Variants in SMC6 observed in about 807,000 individuals in gnomAD.
SMC6 encodes structural maintenance of chromosomes protein 6.
A neutral mutation model predicts 142.2 loss-of-function variants in SMC6; 79 were observed. The ratio of observed to expected loss-of-function variants is 0.56; its 90% CI spans 0.46 to 0.67. SMC6 has a LOEUF of 0.67. Ranked by LOEUF, SMC6 falls within the 30% of genes least tolerant of loss-of-function variation. The probability of loss-of-function intolerance (pLI) is 0.00; values close to 1 mark genes in which losing one functional copy is unlikely to be tolerated. For missense variants in SMC6, 1,072 were observed against 1,284.0 expected, an observed-to-expected ratio of 0.83 and a Z score of 2.52; for synonymous variants, 411 against 412.4, an observed-to-expected ratio of 1.00 and a Z score of 0.04.
chr2:17,738,034 G>A (rs1670242097), intron 5 of SMC6, among the ~76,000 whole-genome samples, 187 bp downstream of exon 5: 1 of 152,136 alleles, frequency 6.6e-6, no homozygotes, highest in Admixed American at 6.5e-5. Flanking sequence ...TGTCTTGAGA[G>A]GGTAACAGGC....
At chr2:17,733,606 G>C (rs917751280) in intron 5 of SMC6, among the ~76,000 whole-genome samples, 1 of 152,092 alleles carries the variant, frequency 6.6e-6, no homozygotes, top group Non-Finnish European at 1.5e-5. Context: ...AAAATAAAAA[G>C]GTTTTAAAAA....
At chr2:17,707,547 A>C (rs1180473782) in intron 17 of SMC6, among the ~76,000 whole-genome samples, 168 bp from the exon 18 acceptor site, 3 of 152,130 alleles carry the variant, frequency 2.0e-5, no homozygotes, top group African/African-American at 7.2e-5. Flanking sequence ...AAAAACTTTC[A>C]AGGTTAGAAG....
At chr2:17,750,430 A>G (rs1670967616) in intron 2 of SMC6, among the ~76,000 whole-genome samples, 2 of 152,210 alleles carry the variant, frequency 1.3e-5, no homozygotes, top group South Asian at 4.1e-4. Context: ...TATGAGATAA[A>G]TATTGCCCTT....
At chr2:17,702,400 T>C (rs1337182295) in intron 19 of SMC6, among the ~76,000 whole-genome samples, 1 of 152,220 alleles carries the variant, frequency 6.6e-6, no homozygotes, top group African/African-American at 2.4e-5. Context: ...TGATTTGTAA[T>C]ACCACAACAG....
At chr2:17,674,538 T>C (rs1363051754) in intron 25 of SMC6, among the ~76,000 whole-genome samples, 3 of 152,200 alleles carry the variant, frequency 2.0e-5, no homozygotes, top group East Asian at 1.9e-4. Flanking sequence ...CAATGTTCTA[T>C]AGTTCTGCCA....
chr2:17,699,734 T>G (rs915108659), intron 21 of SMC6, among the ~76,000 whole-genome samples: 2 of 152,164 alleles, frequency 1.3e-5, no homozygotes, highest in Non-Finnish European at 2.9e-5. Flanking sequence ...CAATTTTGTC[T>G]CAAAAAGTAT....
At chr2:17,744,270 G>C (rs1670623961) in intron 3 of SMC6, among the ~76,000 whole-genome samples, 1 of 152,120 alleles carries the variant, frequency 6.6e-6, no homozygotes, top group Non-Finnish European at 1.5e-5. Flanking sequence ...CATTTTATCA[G>C]GTGTGTTGGT....
At position 17,752,966 on chromosome 2, in the gene SMC6, T is replaced by A. The variant is rs1256609244; in HGVS notation, c.-6+12A>T. The A allele has an allele frequency of 1.0e-6, 1 of 968,058 alleles. No individual in the cohort carries two copies. The highest frequency in any genetic ancestry group is 1.2e-6 in the Non-Finnish European group (1 of 814,212). 60.0% of individuals were successfully genotyped at this position (968,058 alleles called of 1,614,324 possible). A position where few individuals can be genotyped will look rare whatever the true frequency, so the allele number is the denominator to read the frequency against. On this transcript the variant is annotated intron_variant, in intron 2 of 27. Transcript: ENST00000448223. ...CACCAAATGATTGCTCTAAGAATTT[T>A]CACAGTATTACCTCAAACCCTATTG...
chr2:17,676,948 G>A (rs1049742020), intron 25 of SMC6, among the ~76,000 whole-genome samples: 2 of 152,048 alleles, frequency 1.3e-5, no homozygotes, highest in Non-Finnish European at 2.9e-5. Context: ...TCTTTTTGTA[G>A]ATTCCATCAG....
At chr2:17,665,690 T>G in intron 27 of SMC6, 77 bp from the exon 28 acceptor site, 1 of 778,338 alleles carries the variant, frequency 1.3e-6, no homozygotes, top group Non-Finnish European at 2.0e-6. Context: ...TATTACCTCA[T>G]GAAAATATAA....
intron 18 of SMC6, among the ~76,000 whole-genome samples, chr2:17,704,517 T>C (rs1668412682): frequency 6.6e-6 from 1 of 152,214 alleles, no homozygotes; most frequent in Admixed American, 6.5e-5. Flanking sequence ...CAAAGCTTTG[T>C]GCTTGGTGGA....
Position 17,752,972 on chromosome 2 carries a change from TA to T in SMC6, c.-6+5del. The T allele has an allele frequency of 2.0e-6, 2 of 975,958 alleles. No individual in the cohort carries two copies. Among genetic ancestry groups the T allele is most frequent in the Non-Finnish European group, 2.4e-6 (2 of 821,292 alleles). 60.5% of individuals were successfully genotyped at this position (975,958 alleles called of 1,614,324 possible). On this transcript the variant is annotated splice_donor_5th_base_variant and intron_variant, in intron 2 of 27. Coordinates refer to ENST00000448223, the MANE Select transcript of SMC6 (RefSeq NM_001142286.2). ...ATGATTGCTCTAAGAATTTTCACAG[TA>T]TTACCTCAAACCCTATTGGTTCTAC...
chr2:17,731,369 C>T (rs1330072376), intron 6 of SMC6, among the ~76,000 whole-genome samples: 8 of 152,198 alleles, frequency 5.3e-5, no homozygotes, highest in South Asian at 4.1e-4. Context: ...ACATATTTTG[C>T]TCCTTATCTA....
At chr2:17,726,087 TAAAAAAAA>T (rs35471536) in intron 8 of SMC6, among the ~76,000 whole-genome samples, 54 of 54,966 alleles carry the variant, frequency 9.8e-4, no homozygotes, top group African/African-American at 3.9e-3. Context: ...GGCTCTGTCT[TAAAAAAAA>T]AAAAAAAAAA....
rs553667231 is a variant in SMC6, at chr2:17,704,894, A to G, written c.2007-1602T>C. Among the ~76,000 whole-genome samples, 271 of 152,244 alleles carry G rather than the reference A, an allele frequency of 1.8e-3. 1 individual carries two copies. Among genetic ancestry groups the G allele is most frequent in the Non-Finnish European group, 2.8e-3 (187 of 67,994 alleles). Reference sequence around the variant, plus strand: ...AATTTAATATGGGTCCTCAGGATTTAATAGGAAATATTTATTTTATCATAT... The same window carrying G: ...AATTTAATATGGGTCCTCAGGATTTGATAGGAAATATTTATTTTATCATAT... On this transcript the variant is annotated intron_variant, in intron 18 of 27. Transcript: ENST00000448223.
chr2:17,665,784 G>A (rs1172155091), intron 27 of SMC6, among the ~76,000 whole-genome samples, 171 bp from the exon 28 acceptor site: 3 of 152,040 alleles, frequency 2.0e-5, no homozygotes, highest in Non-Finnish European at 2.9e-5. Context: ...GAAATAATTT[G>A]TTTTCCATTT....
intron 22 of SMC6, among the ~76,000 whole-genome samples, chr2:17,695,681 G>T (rs1667954208): frequency 6.6e-6 from 1 of 152,132 alleles, no homozygotes; most frequent in South Asian, 2.1e-4. Context: ...AGACCCTCAT[G>T]GGGTAAAGAA....
At position 17,745,767 on chromosome 2, in the gene SMC6, T is replaced by C. The variant is rs1218622460; in HGVS notation, c.120+60A>G. 13 of 1,508,660 alleles carry C rather than the reference T, an allele frequency of 8.6e-6. No individual in the cohort carries two copies. In the African/African-American group the frequency reaches 1.4e-4, roughly 16 times the overall value. 93.5% of individuals were successfully genotyped at this position (1,508,660 alleles called of 1,614,324 possible). On this transcript the variant is annotated intron_variant, in intron 3 of 27. Transcript: ENST00000448223. ...GATTTTAAGTTATCACAGAATGTGA[T>C]ATGATGAATGTTACAAGAAAAACAT...
intron 27 of SMC6, 61 bp from the exon 28 acceptor site, chr2:17,665,674 T>C (rs958091391): frequency 1.0e-6 from 1 of 990,338 alleles, no homozygotes; most frequent in South Asian, 1.6e-5. Context: ...TTAAAAAAAA[T>C]TCTAATATTA....
Sources: gnomAD v4.1 joint callset for allele counts (sites outside exome capture counted in the v4.1 genomes callset) on GRCh38, gnomAD v4.1.1 for gene constraint, MANE v1.5 for transcripts, NCBI Gene and HGNC (gene_info 2026-07-23, HGNC 2026-07-21) for gene names.